The following INPP5A variants were observed in gnomAD, a reference collection of about 807,000 sequenced individuals.
The protein encoded by INPP5A is inositol polyphosphate-5-phosphatase A.
In INPP5A, 14 loss-of-function variants were observed where a neutral mutation model predicts 65.2. That is an observed-to-expected ratio of 0.21 (90% CI 0.14 to 0.34). The LOEUF (loss-of-function observed/expected upper bound fraction) is 0.34. INPP5A is among the 10% of genes least tolerant of loss of function. INPP5A has a pLI of 1.00. For synonymous variants in INPP5A, 207 were observed against 208.3 expected, an observed-to-expected ratio of 0.99 and a Z score of 0.05; for missense variants, 431 against 545.6, an observed-to-expected ratio of 0.79 and a Z score of 2.09.
chr10:132,608,780 T>C (rs1055582942), intron 2 of INPP5A, among the ~76,000 whole-genome samples: 2 of 152,220 alleles, frequency 1.3e-5, no homozygotes, highest in Admixed American at 6.5e-5. Context: ...AGCCCGGGAC[T>C]GAAATCCTGT....
At chr10:132,708,682 C>T (rs528564785) in intron 7 of INPP5A, among the ~76,000 whole-genome samples, 2 of 152,336 alleles carry the variant, frequency 1.3e-5, no homozygotes, top group South Asian at 2.1e-4. Flanking sequence ...CAGGGAGGCC[C>T]CCTAGTACTG....
At position 132,614,969 on chromosome 10, in the gene INPP5A, G is replaced by A. The variant is rs543445986; in HGVS notation, c.117+7013G>A. On this transcript the variant is annotated intron_variant, in intron 2 of 15. Coordinates refer to ENST00000368594, the MANE Select transcript of INPP5A (RefSeq NM_005539.5). ...AGCACACGTCTGTGGCGTAGGCCCC[G>A]CAGGCTGCGGTGTTTTGTTGCCGCA... Among the ~76,000 whole-genome samples the A allele has an allele frequency of 4.6e-5, 7 of 152,330 alleles. No individual in the cohort carries two copies. The South Asian group carries it at 8.3e-4, about 18-fold the overall frequency.
chr10:132,743,719 C>T (rs1257001612), intron 9 of INPP5A, among the ~76,000 whole-genome samples: 3 of 152,236 alleles, frequency 2.0e-5, no homozygotes, highest in Non-Finnish European at 4.4e-5. Context: ...CAGCCCACAG[C>T]GGTCACACCC....
chr10:132,658,073 C>T (rs956488364), intron 4 of INPP5A, among the ~76,000 whole-genome samples: 5 of 152,194 alleles, frequency 3.3e-5, no homozygotes, highest in African/African-American at 4.8e-5. Context: ...CACTTTACTC[C>T]GCTCCCCGCT....
At chr10:132,775,188 G>GAGGGGCAGGGAGGAGAGAGGGGCAGGGA (rs1847040258) in intron 12 of INPP5A, among the ~76,000 whole-genome samples, 4 of 1,748 alleles carry the variant, frequency 2.3e-3, no homozygotes, top group Admixed American at 7.8e-3. Context: ...CAGGGAGAGA[G>GAGGGGCAGGGAGGAGAGAGGGGCAGGGA]GGAGGGGCAG....
chr10:132,543,598 T>C (rs1406798211), intron 1 of INPP5A, among the ~76,000 whole-genome samples: 1 of 152,238 alleles, frequency 6.6e-6, no homozygotes, highest in African/African-American at 2.4e-5. Flanking sequence ...TTTTACTTTT[T>C]GAGAAGATGA....
At chr10:132,774,236 T>C (rs1030465299) in intron 12 of INPP5A, among the ~76,000 whole-genome samples, 4 of 152,230 alleles carry the variant, frequency 2.6e-5, no homozygotes, top group Admixed American at 6.5e-5. Context: ...GCATTGCCAG[T>C]GGTGCCTGCA....
At chr10:132,561,558 T>C (rs1352825840) in intron 1 of INPP5A, among the ~76,000 whole-genome samples, 3 of 152,228 alleles carry the variant, frequency 2.0e-5, no homozygotes, top group Non-Finnish European at 2.9e-5. Context: ...TATCTATGTG[T>C]CTGTCCTTAT....
chr10:132,748,212 C>T (rs570387615), intron 9 of INPP5A, among the ~76,000 whole-genome samples: 1 of 152,164 alleles, frequency 6.6e-6, no homozygotes, highest in Non-Finnish European at 1.5e-5. Context: ...TCCTTGCTGC[C>T]TCTGTCTCTC....
chr10:132,636,189 AT>A (rs2072350279), intron 2 of INPP5A, among the ~76,000 whole-genome samples: 1 of 67,424 alleles, frequency 1.5e-5, no homozygotes, highest in African/African-American at 5.6e-5. Context: ...GTGTGTGTGT[AT>A]TTTCTATACC....
rs2070996811 is a variant in INPP5A, at chr10:132,547,755, C to T, written c.75+9584C>T. 6.6e-6 allele frequency among the ~76,000 whole-genome samples: 1 copy of T among 152,182 alleles called. No homozygotes were observed. The highest frequency in any genetic ancestry group is 1.5e-5 in the Non-Finnish European group (1 of 68,028). On this transcript the variant is annotated intron_variant, in intron 1 of 15. Coordinates refer to ENST00000368594, the MANE Select transcript of INPP5A (RefSeq NM_005539.5). This position sits in a 1 kb window ranked among gnomAD's most constrained non-coding sequence, Gnocchi z 5.5. ...CCTCCTTCACGGGACAGCCCGCGTG[C>T]CCCCAGCCCTGTGACGCGCTCTTGG...
chr10:132,756,301 TGTG>T (rs1046339385), intron 11 of INPP5A, among the ~76,000 whole-genome samples: 2 of 152,194 alleles, frequency 1.3e-5, no homozygotes, highest in East Asian at 1.9e-4. Flanking sequence ...CACTAGTGTG[TGTG>T]GTGTATGTGT....
intron 1 of INPP5A, among the ~76,000 whole-genome samples, chr10:132,591,037 G>A (rs1214130756): frequency 6.6e-6 from 1 of 152,240 alleles, no homozygotes; most frequent in East Asian, 1.9e-4. Context: ...CTTGGCGGGA[G>A]GAGGCTCCTC....
chr10:132,780,842 T>C lies in INPP5A; in HGVS notation c.1090-7T>C, dbSNP rs1307121179. 6 of 1,612,958 alleles carry C rather than the reference T, an allele frequency of 3.7e-6. No individual in the cohort carries two copies. Among genetic ancestry groups the C allele is most frequent in the Non-Finnish European group, 4.2e-6 (5 of 1,179,658 alleles). ...CCCACACTCACCTGTCTGTTTCCCC[T>C]TTCCAGTCGGAGAGCGAGGAGAAGG... On this transcript the variant is annotated splice_region_variant and splice_polypyrimidine_tract_variant and intron_variant, in intron 13 of 15. Transcript: ENST00000368594.
intron 8 of INPP5A, among the ~76,000 whole-genome samples, chr10:132,722,144 T>A (rs1845896363): frequency 6.6e-6 from 1 of 152,230 alleles, no homozygotes; most frequent in South Asian, 2.1e-4. Flanking sequence ...TTTGCTTATG[T>A]AAAGTTGTTT....
At chr10:132,632,777 T>G (rs2072292339) in intron 2 of INPP5A, among the ~76,000 whole-genome samples, 1 of 152,228 alleles carries the variant, frequency 6.6e-6, no homozygotes, top group African/African-American at 2.4e-5. Context: ...TCCTAATTAT[T>G]GTACTGTTAC....
rs887618024 is a variant in INPP5A, at chr10:132,710,507, G to A, written c.647+51G>A. 3 of 1,589,960 alleles carry A rather than the reference G, an allele frequency of 1.9e-6. No homozygotes were observed. In the Admixed American group the frequency reaches 5.2e-5, roughly 28 times the overall value. On this transcript the variant is annotated intron_variant, in intron 8 of 15. Transcript: ENST00000368594. ...TGGGCCGGGCAAGTAGGTGTGCTGGGCAGGCAGGTGTGAGTGGAGAGGTAG... is the reference window on the plus strand; with the variant it reads ...TGGGCCGGGCAAGTAGGTGTGCTGGACAGGCAGGTGTGAGTGGAGAGGTAG...
chr10:132,608,550 A>G (rs1488822017), intron 2 of INPP5A, among the ~76,000 whole-genome samples: 1 of 152,194 alleles, frequency 6.6e-6, no homozygotes, highest in Admixed American at 6.5e-5. Flanking sequence ...GGAAGGAGCC[A>G]CCTGGGGCCT....
chr10:132,772,843 C>T (rs372602223), intron 12 of INPP5A, among the ~76,000 whole-genome samples: 3 of 27,970 alleles, frequency 1.1e-4, no homozygotes, highest in Admixed American at 3.3e-4. Context: ...AGCCGCCCCA[C>T]GAAGAGTGGG....
Sources: gnomAD v4.1 joint callset for allele counts (sites outside exome capture counted in the v4.1 genomes callset) on GRCh38, gnomAD v4.1.1 for gene constraint, Gnocchi (gnomAD v3.1) non-coding constraint, MANE v1.5 for transcripts, NCBI Gene and HGNC (gene_info 2026-07-23, HGNC 2026-07-21) for gene names.